Variants in CCNI observed in about 807,000 individuals in gnomAD.
CCNI encodes cyclin-I.
CCNI carries 14 observed loss-of-function variants against 34.1 expected under a neutral mutation model. The ratio of observed to expected loss-of-function variants is 0.41; its 90% confidence interval spans 0.27 to 0.64. The LOEUF is 0.64. Ranked by LOEUF, CCNI falls within the 30% of genes least tolerant of loss-of-function variation. The pLI is 0.31. For synonymous variants in CCNI, 154 were observed against 158.4 expected, an observed-to-expected ratio of 0.97 and a Z score of 0.21; for missense variants, 385 against 440.5, an observed-to-expected ratio of 0.87 and a Z score of 1.13.
intron 2 of CCNI, among the ~76,000 whole-genome samples, chr4:77,063,929 ATTC>A (rs1312575382): frequency 2.6e-5 from 4 of 152,068 alleles, no homozygotes; most frequent in African/African-American, 9.7e-5. Flanking sequence ...CCACACCAGT[ATTC>A]ATTAAATCAC....
In CCNI at chr4:77,048,266, C is replaced by T. The variant is rs759512824; in HGVS notation, c.1087G>A (p.Gly363Arg). 1.2e-6 allele frequency: 2 copies of T among 1,614,026 alleles called. No homozygotes were observed. Among genetic ancestry groups the T allele is most frequent in the Non-Finnish European group, 1.7e-6 (2 of 1,180,000 alleles). The change falls in exon 7 of 7, where the codon GGA (glycine) becomes AGA (arginine). Residue 363 changes from glycine (G) to arginine (R), a missense_variant. Gly to Arg is a moderately radical substitution (Grantham distance 125). Transcript: ENST00000237654. ...VCGTDLSRQE[G>R]HASPCPPLQP... Reference sequence around the variant, plus strand: ...AAAGGTGGACAAGGGGAAGCATGTCCCTCTTGTCTTGATAAATCAGTGCCA... The same window carrying T: ...AAAGGTGGACAAGGGGAAGCATGTCTCTCTTGTCTTGATAAATCAGTGCCA...
chr4:77,063,463 C>CCGAGGCGGG (rs1338482839), intron 2 of CCNI, among the ~76,000 whole-genome samples: 2 of 151,342 alleles, frequency 1.3e-5, no homozygotes, highest in Admixed American at 6.6e-5. Context: ...CTTTGGAAGG[C>CCGAGGCGGG]CGGATCACAA....
intron 1 of CCNI, 91 bp downstream of exon 1, chr4:77,075,381 G>C: frequency 2.5e-6 from 1 of 404,718 alleles, no homozygotes; most frequent in Non-Finnish European, 3.3e-6. Context: ...GCGCTGCCAC[G>C]GGGGCGGCGC....
chr4:77,072,301 TAAAA>T (rs1729528323), intron 1 of CCNI, among the ~76,000 whole-genome samples: 1 of 151,444 alleles, frequency 6.6e-6, no homozygotes, highest in Non-Finnish European at 1.5e-5. Flanking sequence ...TAAAACGAGG[TAAAA>T]TTTCCTTAAA....
chr4:77,064,208 A>C (rs1459128287), intron 2 of CCNI, among the ~76,000 whole-genome samples: 2 of 151,514 alleles, frequency 1.3e-5, no homozygotes, highest in African/African-American at 4.9e-5. Flanking sequence ...ATGCCATTGC[A>C]CTCCAGCCTG....
Position 77,058,641 on chromosome 4 carries a change from AGG to A in CCNI, c.115-8_115-7del. On this transcript the variant is annotated splice_polypyrimidine_tract_variant and splice_region_variant and intron_variant, in intron 2 of 6. Transcript: ENST00000237654. The stretch of plus-strand genomic sequence containing the variant: ...CTCTGGGATGGAGAAACATTCTATA[AGG>A]GAACAATTTTGAAAACAGAAGACAA... The A allele has an allele frequency of 6.2e-7, 1 of 1,609,510 alleles. No homozygotes were observed. The highest frequency in any genetic ancestry group is 1.7e-5 in the Admixed American group (1 of 59,086).
In CCNI at chr4:77,048,220, T is replaced by C; in HGVS notation, c.1133A>G (p.Ter378TrpextTer11). Residue 378 changes from the stop codon to tryptophan, a stop_lost, in exon 7 of 7, where the codon TAG (stop) becomes TGG (tryptophan). Transcript: ENST00000237654. ...ACTCAAAGGTAGCACTTGTTGAAAC[T>C]ACATGACAGAAACAGGCTGCAAAGG... Reference protein sequence around the residue: ...CPPLQPVSVM* With the variant: ...CPPLQPVSVMW The C allele has an allele frequency of 1.2e-6, 2 of 1,611,778 alleles. No individual in the cohort carries two copies. The highest frequency in any genetic ancestry group is 2.2e-5 in the East Asian group (1 of 44,862).
chr4:77,055,817 A>G (rs770206364), intron 5 of CCNI, 145 bp downstream of exon 5: 15 of 683,916 alleles, frequency 2.2e-5, no homozygotes, highest in Non-Finnish European at 3.4e-5. Flanking sequence ...GATATGACAT[A>G]TATACTAATT....
intron 1 of CCNI, among the ~76,000 whole-genome samples, chr4:77,068,515 C>T (rs1272943382): frequency 1.3e-5 from 2 of 152,072 alleles, no homozygotes; most frequent in Non-Finnish European, 2.9e-5. Context: ...TGCTAAATAA[C>T]GGGACAAGGA....
Position 77,048,488 on chromosome 4 carries a change from A to G in CCNI, c.865T>C (p.Phe289Leu). The G allele has an allele frequency of 6.2e-7, 1 of 1,614,136 alleles. No individual in the cohort carries two copies. The highest frequency in any genetic ancestry group is 8.5e-7 in the Non-Finnish European group (1 of 1,180,018). ...TCTGGCTTGCTGTTGTCCTTGGAGAAGTCTGGGCCTGGGACAGAGGAGGGA... is the reference window on the plus strand; with the variant it reads ...TCTGGCTTGCTGTTGTCCTTGGAGAGGTCTGGGCCTGGGACAGAGGAGGGA... ...LHPSSVPGPD[F>L]SKDNSKPEVP... The change falls in exon 7 of 7, where the codon TTC becomes CTC. Residue 289 changes from phenylalanine to leucine, a missense_variant. Coordinates refer to ENST00000237654, the MANE Select transcript of CCNI (RefSeq NM_006835.3).
At position 77,050,580 on chromosome 4, in the gene CCNI, AT is replaced by A. The variant is rs4252938; in HGVS notation, c.691-1919del. On this transcript the variant is annotated intron_variant, in intron 6 of 6. Coordinates refer to ENST00000237654, the MANE Select transcript of CCNI (RefSeq NM_006835.3). ...TTAGCATCTACCATAATGTTCACTG[AT>A]TTTTTTCCCCTAGTTTGAAAGGCAT... Among the ~76,000 whole-genome samples, 506 of 152,216 alleles carry A rather than the reference AT, an allele frequency of 3.3e-3. 4 individuals carry two copies. The highest frequency in any genetic ancestry group is 0.012 in the African/African-American group (481 of 41,534).
chr4:77,075,115 G>C (rs961117356), intron 1 of CCNI: 1 of 152,118 alleles, frequency 6.6e-6, no homozygotes. Flanking sequence ...GTGGGGGTGT[G>C]TCCCCTTCTT....
chr4:77,049,197 TAG>T (rs1727673485), intron 6 of CCNI, among the ~76,000 whole-genome samples: 1 of 152,142 alleles, frequency 6.6e-6, no homozygotes, highest in Non-Finnish European at 1.5e-5. Context: ...ATGTATTTTG[TAG>T]AAAATAGTAG....
intron 6 of CCNI, among the ~76,000 whole-genome samples, chr4:77,050,165 T>C (rs1727729867): frequency 6.6e-6 from 1 of 152,214 alleles, no homozygotes. Flanking sequence ...ATCATCTTAT[T>C]TCTACCTGTT....
rs1450055554 is a variant in CCNI, at chr4:77,047,272, T to C, written c.*947A>G. 2 of 152,122 alleles carry C rather than the reference T, an allele frequency of 1.3e-5. No individual in the cohort carries two copies. Among genetic ancestry groups the C allele is most frequent in the Non-Finnish European group, 2.9e-5 (2 of 68,032 alleles). 9.4% of individuals were successfully genotyped at this position (152,122 alleles called of 1,614,324 possible). A position where few individuals can be genotyped will look rare whatever the true frequency, so the allele number is the denominator to read the frequency against. The stretch of plus-strand genomic sequence containing the variant: ...GATCCAGAAGTCATTAAAAGAAACA[T>C]AAGGCTGGGGAGGCAGGGGGAGTAA... On this transcript the variant is annotated 3_prime_UTR_variant, in exon 7 of 7. Transcript: ENST00000237654.
chr4:77,060,071 A>G (rs186371441), intron 2 of CCNI, among the ~76,000 whole-genome samples: 27 of 150,426 alleles, frequency 1.8e-4, no homozygotes, highest in African/African-American at 6.4e-4. Context: ...TCTAACCTTC[A>G]GTTAGAGATA....
At chr4:77,068,019 A>C (rs1429853470) in intron 1 of CCNI, among the ~76,000 whole-genome samples, 1 of 151,974 alleles carries the variant, frequency 6.6e-6, no homozygotes, top group Non-Finnish European at 1.5e-5. Context: ...CTCTACTAAA[A>C]ATACAAAACT....
In CCNI at chr4:77,075,471, C is replaced by T; in HGVS notation, c.-44+1G>A. ...CCCCCGCCCCCGCCCCCGCCCCTCA[C>T]CTTCTCCTCCTCTTCCTCCTCCTCC... On this transcript the variant is annotated splice_donor_variant, in intron 1 of 6. Transcript: ENST00000237654. LOFTEE classifies it low-confidence loss of function (5UTR_SPLICE). 1.1e-6 allele frequency: 1 copy of T among 926,938 alleles called. No homozygotes were observed. Among genetic ancestry groups the T allele is most frequent in the Non-Finnish European group, 1.3e-6 (1 of 776,118 alleles). 57.4% of individuals were successfully genotyped at this position (926,938 alleles called of 1,614,324 possible). A position where few individuals can be genotyped will look rare whatever the true frequency, so the allele number is the denominator to read the frequency against.
chr4:77,072,638 TAAAAAAAA>T, intron 1 of CCNI, among the ~76,000 whole-genome samples: 1 of 101,394 alleles, frequency 9.9e-6, no homozygotes, highest in African/African-American at 4.1e-5. Flanking sequence ...CCCAATCTCT[TAAAAAAAA>T]AAAAAAAAAA....
Sources: gnomAD v4.1 joint callset for allele counts (sites outside exome capture counted in the v4.1 genomes callset) on GRCh38, gnomAD v4.1.1 for gene constraint, MANE v1.5 for transcripts, NCBI Gene and HGNC (gene_info 2026-07-23, HGNC 2026-07-21) for gene names.